The following STC2 variants were observed in gnomAD, a reference collection of about 807,000 sequenced individuals.
The protein encoded by STC2 is stanniocalcin 2, also known as stanniocalcin-2.
STC2 carries 7 observed loss-of-function variants against 22.7 expected under a neutral mutation model. That is an observed-to-expected ratio of 0.31 (90% confidence interval 0.18 to 0.58). The LOEUF is 0.58. Among genes scored for constraint, STC2 ranks in the 20% least tolerant of loss-of-function variants. The pLI, the probability that STC2 is intolerant of heterozygous loss-of-function variation, is 0.89. For missense variants in STC2, 336 were observed against 406.2 expected, an observed-to-expected ratio of 0.83 and a Z score of 1.48; for synonymous variants, 158 against 163.4, an observed-to-expected ratio of 0.97 and a Z score of 0.25.
rs889171811 is a variant in STC2 at position 173,317,989 on chromosome 5, C to T, written c.767G>A (p.Arg256Gln). ...LPEPSSRETGRGAKGERGSKS... is the reference protein window; with the variant it reads ...LPEPSSRETGQGAKGERGSKS... ...GCTACCTCGCTCACCCTTGGCACCT[C>T]GGCCAGTCTCCCTACTGCTGGGCTC... is the stretch of plus-strand genomic sequence containing the variant. The change falls in exon 4 of 4, where the codon CGA (arginine) becomes CAA (glutamine). Residue 256 changes from arginine to glutamine, a missense_variant. Arg to Gln is a conservative substitution (Grantham distance 43). This residue lies in a region of STC2 where 215 missense variants were observed against 231.5 expected (regional missense o/e 0.93). Transcript: ENST00000265087. The T allele has an allele frequency of 3.1e-6, 5 of 1,613,176 alleles. No homozygotes were observed. Among genetic ancestry groups the T allele is most frequent in the South Asian group, 2.2e-5 (2 of 91,056 alleles).
intron 1 of STC2, among the ~76,000 whole-genome samples, chr5:173,327,265 G>A (rs2113142370): frequency 6.6e-6 from 1 of 152,392 alleles, no homozygotes; most frequent in Middle Eastern, 3.4e-3. Context: ...TCGGGGGAGG[G>A]GTCGTGGAGC....
At chr5:173,327,868 G>A (rs1291275228) in intron 1 of STC2, among the ~76,000 whole-genome samples, 175 bp downstream of exon 1, 1 of 152,222 alleles carries the variant, frequency 6.6e-6, no homozygotes, top group African/African-American at 2.4e-5. Flanking sequence ...GGCCCTCGGA[G>A]CCCGGCGCGG....
At chr5:173,320,680 G>C (rs1490042904) in intron 3 of STC2, among the ~76,000 whole-genome samples, 1 of 149,982 alleles carries the variant, frequency 6.7e-6, no homozygotes, top group Non-Finnish European at 1.5e-5. Context: ...AGCTTGAAAA[G>C]AGCAGCATTA....
At chr5:173,326,144 C>A in intron 1 of STC2, 134 bp from the exon 2 acceptor site, 1 of 991,056 alleles carries the variant, frequency 1.0e-6, no homozygotes, top group Non-Finnish European at 1.4e-6. Context: ...ATGACTATTT[C>A]AGGACCTAAA....
At chr5:173,318,542 T>A (rs1762453316) in intron 3 of STC2, among the ~76,000 whole-genome samples, 1 of 152,102 alleles carries the variant, frequency 6.6e-6, no homozygotes, top group Admixed American at 6.5e-5. Context: ...CTGGGGATGG[T>A]GAGAAATCCA....
At chr5:173,321,230 G>C (rs993836759) in intron 3 of STC2, among the ~76,000 whole-genome samples, 1 of 152,076 alleles carries the variant, frequency 6.6e-6, no homozygotes, top group African/African-American at 2.4e-5. Context: ...TTAAATTAAG[G>C]GGAGGGGGTG....
chr5:173,320,065 A>G (rs1037248508), intron 3 of STC2, among the ~76,000 whole-genome samples: 1 of 152,226 alleles, frequency 6.6e-6, no homozygotes, highest in Non-Finnish European at 1.5e-5. Context: ...TGTCTGCTAA[A>G]GCAGCAACAG....
rs1019934963 is a variant in STC2, at chr5:173,323,033, C to T, written c.506+186G>A. The T allele has an allele frequency of 3.3e-6, 2 of 608,790 alleles. No homozygotes were observed. The highest frequency in any genetic ancestry group is 5.9e-6 in the Non-Finnish European group (2 of 340,482). 37.7% of individuals were successfully genotyped at this position (608,790 alleles called of 1,614,324 possible). ...TTTGAGACTGATGAGGGAATTCTCTCTTTTCCTAAAAGCCAGCAGGAAAGG... is the reference window on the plus strand; with the variant it reads ...TTTGAGACTGATGAGGGAATTCTCTTTTTTCCTAAAAGCCAGCAGGAAAGG... On this transcript the variant is annotated intron_variant, in intron 3 of 3. Transcript: ENST00000265087. The surrounding 1 kb of genome is among the most constrained non-coding windows in gnomAD (Gnocchi z 5.4).
chr5:173,324,840 G>T (rs1029230928), intron 2 of STC2, among the ~76,000 whole-genome samples: 3 of 152,190 alleles, frequency 2.0e-5, no homozygotes, highest in Non-Finnish European at 4.4e-5. Flanking sequence ...TTAATCCAGA[G>T]TGATGCTTTA....
In STC2 at chr5:173,315,719, T is replaced by TTA. The variant is rs1762412766; in HGVS notation, c.*2127_*2128insTA. Reference sequence around the variant, plus strand: ...CAGTCAACGTGCCTGCCGCGGTGGCTCACTGCAGGAGACAGCCACGGTTTA... The same window carrying TTA: ...CAGTCAACGTGCCTGCCGCGGTGGCTTACACTGCAGGAGACAGCCACGGTTTA... On this transcript the variant is annotated 3_prime_UTR_variant, in exon 4 of 4. Transcript: ENST00000265087. The TTA allele has an allele frequency of 6.6e-6, 1 of 152,210 alleles. No individual in the cohort carries two copies. The highest frequency in any genetic ancestry group is 1.5e-5 in the Non-Finnish European group (1 of 68,046). The allele number at this position is 152,210 out of a possible 1,614,324, so 9.4% of individuals were successfully genotyped here.
chr5:173,323,649 G>A lies in STC2; in HGVS notation c.295-219C>T, dbSNP rs1248137976. ...ACACCCCCAGCACTGGGCAACAAGGGATGTTCATTCTGTAGACGAACACAT... is the reference window on the plus strand; with the variant it reads ...ACACCCCCAGCACTGGGCAACAAGGAATGTTCATTCTGTAGACGAACACAT... On this transcript the variant is annotated intron_variant, in intron 2 of 3. Transcript: ENST00000265087. The surrounding 1 kb of genome is among the most constrained non-coding windows in gnomAD (Gnocchi z 5.4). 6.6e-6 allele frequency among the ~76,000 whole-genome samples: 1 copy of A among 152,184 alleles called. No individual in the cohort carries two copies. The highest frequency in any genetic ancestry group is 2.4e-5 in the African/African-American group (1 of 41,442).
rs1303195486 is a variant in STC2, at chr5:173,315,419, A to G, written c.*2428T>C. 6.6e-6 allele frequency: 1 copy of G among 152,250 alleles called. No individual in the cohort carries two copies. The highest frequency in any genetic ancestry group is 2.4e-5 in the African/African-American group (1 of 41,472). The allele number at this position is 152,250 out of a possible 1,614,324, so 9.4% of individuals were successfully genotyped here. A position where few individuals can be genotyped will look rare whatever the true frequency, so the allele number is the denominator to read the frequency against. On this transcript the variant is annotated 3_prime_UTR_variant, in exon 4 of 4. Transcript: ENST00000265087. ...AAAACAAAGCAGTGGCATGAAAAAT[A>G]TACAACAGAGATCAGTAAATGGGTT...
chr5:173,322,767 G>A (rs921643868), intron 3 of STC2, among the ~76,000 whole-genome samples: 3 of 152,204 alleles, frequency 2.0e-5, no homozygotes, highest in Non-Finnish European at 4.4e-5. Flanking sequence ...AAATGGAGGT[G>A]ACGAGGGCTG....
Position 173,316,008 on chromosome 5 carries a change from T to C in STC2, c.*1839A>G, listed in dbSNP as rs1033921152. 3.3e-5 allele frequency: 5 copies of C among 152,232 alleles called. No homozygotes were observed. The highest frequency in any genetic ancestry group is 1.2e-4 in the African/African-American group (5 of 41,454). The allele number at this position is 152,232 out of a possible 1,614,324, so 9.4% of individuals were successfully genotyped here. A position where few individuals can be genotyped will look rare whatever the true frequency, so the allele number is the denominator to read the frequency against. The stretch of plus-strand genomic sequence containing the variant: ...ACTAGCTGTGTTTTGGTTGAAGGCA[T>C]TCCCCAGGAACAAGTCATTTTAGAG... On this transcript the variant is annotated 3_prime_UTR_variant, in exon 4 of 4. Coordinates refer to ENST00000265087, the MANE Select transcript of STC2 (RefSeq NM_003714.3).
chr5:173,320,741 G>A (rs939261651), intron 3 of STC2, among the ~76,000 whole-genome samples: 1 of 149,802 alleles, frequency 6.7e-6, no homozygotes, highest in Admixed American at 6.7e-5. Context: ...AAGAATGGGG[G>A]TGGTGCAGAT....
rs1762530225 is a variant in STC2, at chr5:173,325,033, C to A, written c.294+835G>T. Among the ~76,000 whole-genome samples, 1 of 152,196 alleles carries A rather than the reference C, an allele frequency of 6.6e-6. No individual in the cohort carries two copies. Among genetic ancestry groups the A allele is most frequent in the Non-Finnish European group, 1.5e-5 (1 of 68,038 alleles). On this transcript the variant is annotated intron_variant, in intron 2 of 3. Coordinates refer to ENST00000265087, the MANE Select transcript of STC2 (RefSeq NM_003714.3). This position sits in a 1 kb window ranked among gnomAD's most constrained non-coding sequence, Gnocchi z 4.7. The stretch of plus-strand genomic sequence containing the variant: ...TATGTCAGTGGATGGGGACTGGTGA[C>A]ATCCATAAATCTCACCTAAGCTGAT...
intron 1 of STC2, among the ~76,000 whole-genome samples, chr5:173,327,489 G>A (rs1762563700): frequency 6.6e-6 from 1 of 152,262 alleles, no homozygotes; most frequent in South Asian, 2.1e-4. Flanking sequence ...TACGCTTTGC[G>A]CTGCCCTCAC....
rs536104661 is a variant in STC2, at chr5:173,321,494, G to A, written c.506+1725C>T. Among the ~76,000 whole-genome samples, 92 of 118,348 alleles carry A rather than the reference G, an allele frequency of 7.8e-4. 3 individuals are homozygous for A. In the East Asian group the frequency reaches 0.022, roughly 28 times the overall value. The allele number at this position is 118,348 out of a possible 152,430, so 77.6% of individuals were successfully genotyped here. ...GGGAATTTTAGAGTGTTCTCCTTGTGTAATGGGGATATATTTGATAAAAGG... is the reference window on the plus strand; with the variant it reads ...GGGAATTTTAGAGTGTTCTCCTTGTATAATGGGGATATATTTGATAAAAGG... On this transcript the variant is annotated intron_variant, in intron 3 of 3. Coordinates refer to ENST00000265087, the MANE Select transcript of STC2 (RefSeq NM_003714.3).
In STC2 at chr5:173,317,705, A is replaced by G; in HGVS notation, c.*142T>C. 2.5e-6 allele frequency: 3 copies of G among 1,202,796 alleles called. No homozygotes were observed. Among genetic ancestry groups the G allele is most frequent in the Non-Finnish European group, 3.4e-6 (3 of 888,486 alleles). The allele number at this position is 1,202,796 out of a possible 1,614,324, so 74.5% of individuals were successfully genotyped here. A position where few individuals can be genotyped will look rare whatever the true frequency, so the allele number is the denominator to read the frequency against. Reference sequence around the variant, plus strand: ...CTCCATCTCACCTGTCCGTTCCGCGAACACACACCTCGATGAAGTCCACAG... The same window carrying G: ...CTCCATCTCACCTGTCCGTTCCGCGGACACACACCTCGATGAAGTCCACAG... On this transcript the variant is annotated 3_prime_UTR_variant, in exon 4 of 4. Transcript: ENST00000265087.
Sources: allele counts gnomAD v4.1 joint callset (sites outside exome capture counted in the v4.1 genomes callset), GRCh38; gene constraint gnomAD v4.1.1; regional missense constraint gnomAD v4.1.1; non-coding constraint Gnocchi (gnomAD v3.1); transcripts MANE v1.5; gene names NCBI Gene and HGNC (gene_info 2026-07-23, HGNC 2026-07-21).